RPS6KC1: variants seen among roughly 807,000 people sequenced by gnomAD.
RPS6KC1 encodes the protein ribosomal protein S6 kinase C1, also known as inactive ribosomal protein S6 kinase delta-1.
RPS6KC1 carries 54 observed loss-of-function variants against 103.8 expected under a neutral mutation model. The observed-to-expected ratio is 0.52, with a 90% confidence interval of 0.42 to 0.65. The LOEUF is 0.65. RPS6KC1 is among the 30% of genes least tolerant of loss of function. The pLI is 0.00. For synonymous variants in RPS6KC1, 439 were observed against 438.7 expected, an observed-to-expected ratio of 1.00 and a Z score of -0.01; for missense variants, 1,151 against 1,253.8, an observed-to-expected ratio of 0.92 and a Z score of 1.24.
the RPS6KC1 span, among the ~76,000 whole-genome samples, chr1:213,480,797 G>T: frequency 6.6e-6 from 1 of 152,012 alleles, no homozygotes; most frequent in Non-Finnish European, 1.5e-5. Flanking sequence ...ATCAGGTTAA[G>T]GGAATTCCTT....
At chr1:213,427,104 C>G in the RPS6KC1 span, among the ~76,000 whole-genome samples, 4 of 152,230 alleles carry the variant, frequency 2.6e-5, no homozygotes, top group Non-Finnish European at 4.4e-5. Context: ...CCCACTTCAG[C>G]CAAATCACTG....
intron 6 of RPS6KC1, among the ~76,000 whole-genome samples, chr1:213,155,404 G>A (rs2089762453): frequency 6.6e-6 from 1 of 152,300 alleles, no homozygotes; most frequent in African/African-American, 2.4e-5. Context: ...CCTTGTTGGC[G>A]AGGTTTGCAG....
At chr1:213,109,462 A>G (rs904844025) in intron 4 of RPS6KC1, among the ~76,000 whole-genome samples, 4 of 152,088 alleles carry the variant, frequency 2.6e-5, no homozygotes, top group East Asian at 1.9e-4. Context: ...TCTTTAAGCA[A>G]TGTTTCATAA....
chr1:213,547,167 C>T, the RPS6KC1 span, among the ~76,000 whole-genome samples: 1 of 152,144 alleles, frequency 6.6e-6, no homozygotes, highest in African/African-American at 2.4e-5. Context: ...ATTAAAGGTA[C>T]CTGCTATCAG....
the RPS6KC1 span, among the ~76,000 whole-genome samples, chr1:213,630,804 C>T: frequency 6.6e-6 from 1 of 152,156 alleles, no homozygotes; most frequent in Non-Finnish European, 1.5e-5. Context: ...AGTAAGGACC[C>T]TCAGCTGCAG....
intron 6 of RPS6KC1, among the ~76,000 whole-genome samples, chr1:213,144,555 C>T (rs1383435749): frequency 2.0e-5 from 3 of 152,034 alleles, no homozygotes; most frequent in Non-Finnish European, 4.4e-5. Context: ...ACCTGGCCCC[C>T]TTTCTTGACC....
At chr1:213,799,297 A>G in the RPS6KC1 span, among the ~76,000 whole-genome samples, 1 of 152,170 alleles carries the variant, frequency 6.6e-6, no homozygotes, top group Non-Finnish European at 1.5e-5. Flanking sequence ...ATTTCTTAAT[A>G]TTTAAAAGCT....
the RPS6KC1 span, among the ~76,000 whole-genome samples, chr1:213,715,729 C>T: frequency 6.6e-6 from 1 of 152,144 alleles, no homozygotes; most frequent in Admixed American, 6.6e-5. Context: ...CAGATTAGTC[C>T]ATCATCTGTT....
At chr1:213,162,755 T>C (rs574855799) in intron 6 of RPS6KC1, among the ~76,000 whole-genome samples, 1 of 152,368 alleles carries the variant, frequency 6.6e-6, no homozygotes, top group East Asian at 1.9e-4. Context: ...TTTCAGTTAG[T>C]GTTACTGATA....
the RPS6KC1 span, among the ~76,000 whole-genome samples, chr1:213,436,654 T>C: frequency 4.4e-3 from 676 of 152,316 alleles, 5 homozygotes; most frequent in African/African-American, 0.016. Flanking sequence ...TTTATTCCTT[T>C]ATTTGTTTAG....
chr1:213,342,102 A>G, the RPS6KC1 span, among the ~76,000 whole-genome samples: 1 of 152,086 alleles, frequency 6.6e-6, no homozygotes, highest in African/African-American at 2.4e-5. Context: ...AGCTTGGTCA[A>G]TTTCTCACCA....
At chr1:213,588,296 C>T in the RPS6KC1 span, among the ~76,000 whole-genome samples, 2 of 138,934 alleles carry the variant, frequency 1.4e-5, no homozygotes, top group Admixed American at 7.2e-5. Context: ...AAACCTCTGT[C>T]TTTTTTTTTT....
chr1:213,788,956 C>T, the RPS6KC1 span, among the ~76,000 whole-genome samples: 1 of 152,152 alleles, frequency 6.6e-6, no homozygotes, highest in Non-Finnish European at 1.5e-5. Context: ...ACTCAAAAAG[C>T]TTTCCAGAGC....
At chr1:213,806,881 T>C in the RPS6KC1 span, among the ~76,000 whole-genome samples, 1 of 151,936 alleles carries the variant, frequency 6.6e-6, no homozygotes, top group African/African-American at 2.4e-5. Flanking sequence ...GTCTTGATGG[T>C]CTTTACATTT....
chr1:213,426,632 G>C, the RPS6KC1 span, among the ~76,000 whole-genome samples: 1 of 152,128 alleles, frequency 6.6e-6, no homozygotes, highest in Non-Finnish European at 1.5e-5. Context: ...GTGCCTGTTG[G>C]GATACCAGTA....
rs2091137210 is a variant in RPS6KC1, at chr1:213,167,908, T to G, written c.886T>G (p.Tyr296Asp). The G allele has an allele frequency of 6.2e-7, 1 of 1,613,846 alleles. No homozygotes were observed. Among genetic ancestry groups the G allele is most frequent in the East Asian group, 2.2e-5 (1 of 44,854 alleles). ...AGCTGTGAAGAGAAGAACAGCCGAG[T>G]ACCTCATGCGGGCAGAAAGTATCTC... ...REAVKRRTAE[Y>D]LMRAESISSL... Residue 296 changes from tyrosine (Y) to aspartate (D), a missense_variant, in exon 7 of 15, where the codon TAC becomes GAC. Transcript: ENST00000366960.
At chr1:213,372,276 G>T in the RPS6KC1 span, among the ~76,000 whole-genome samples, 13 of 152,186 alleles carry the variant, frequency 8.5e-5, no homozygotes, top group African/African-American at 3.1e-4. Context: ...ACCTGAAAAT[G>T]GTTGTTGACA....
At chr1:213,284,173 T>G in the RPS6KC1 span, among the ~76,000 whole-genome samples, 1 of 152,016 alleles carries the variant, frequency 6.6e-6, no homozygotes, top group Non-Finnish European at 1.5e-5. Context: ...AGGAAAAAAT[T>G]AGAAATTAAA....
the RPS6KC1 span, chr1:213,841,486 A>G: frequency 6.6e-6 from 1 of 152,230 alleles, no homozygotes; most frequent in Non-Finnish European, 1.5e-5. Context: ...AAGCGTTCTG[A>G]CAGCCAAGCA....
Sources: allele counts gnomAD v4.1 joint callset (sites outside exome capture counted in the v4.1 genomes callset), GRCh38; gene constraint gnomAD v4.1.1; transcripts MANE v1.5; gene names NCBI Gene and HGNC (gene_info 2026-07-23, HGNC 2026-07-21).